Variants in FOXP2 observed in about 807,000 individuals in gnomAD.
The protein encoded by FOXP2 is forkhead box P2.
In FOXP2, 12 loss-of-function variants were observed where a neutral mutation model predicts 115.8. The observed-to-expected ratio is 0.10, with a 90% CI of 0.07 to 0.17. The LOEUF (loss-of-function observed/expected upper bound fraction) is 0.17. FOXP2 is among the 10% of genes least tolerant of loss of function. FOXP2 has a pLI of 1.00. For synonymous variants in FOXP2, 328 were observed against 297.7 expected (o/e 1.10, Z -1.05); for missense variants, 629 against 843.5 (o/e 0.75, Z 3.15).
intron 1 of FOXP2, among the ~76,000 whole-genome samples, chr7:114,236,186 A>G (rs944546514): frequency 2.2e-4 from 34 of 152,234 alleles, no homozygotes; most frequent in African/African-American, 8.2e-4. Context: ...AAAGCTTTCA[A>G]TGGATTGGCA....
At chr7:114,113,388 T>C (rs1440383360) in intron 1 of FOXP2, among the ~76,000 whole-genome samples, 1 of 152,176 alleles carries the variant, frequency 6.6e-6, no homozygotes, top group Non-Finnish European at 1.5e-5. Context: ...TAATTCATTA[T>C]TTCTATTTTT....
intron 3 of FOXP2, among the ~76,000 whole-genome samples, chr7:114,580,571 ACT>A (rs1463878694): frequency 6.6e-6 from 1 of 151,534 alleles, no homozygotes; most frequent in Non-Finnish European, 1.5e-5. Flanking sequence ...ACAGAGTGCG[ACT>A]CTGTCTCAAA....
intron 2 of FOXP2, among the ~76,000 whole-genome samples, chr7:114,435,116 T>C (rs1400209646): frequency 6.6e-6 from 1 of 152,166 alleles, no homozygotes; most frequent in African/African-American, 2.4e-5. Flanking sequence ...ATTCATTAGG[T>C]TCAACAACTA....
At chr7:114,205,207 G>A (rs918793095) in intron 1 of FOXP2, among the ~76,000 whole-genome samples, 1 of 152,088 alleles carries the variant, frequency 6.6e-6, no homozygotes, top group Admixed American at 6.6e-5. Flanking sequence ...ATATATGACC[G>A]TGAATTTCTT....
rs1173351472 is a variant in FOXP2 at position 114,287,475 on chromosome 7, G to A, written c.-101-544G>A. 2.6e-5 allele frequency among the ~76,000 whole-genome samples: 4 copies of A among 151,876 alleles called. No individual in the cohort carries two copies. The East Asian group carries it at 5.8e-4, about 22-fold the overall frequency. On this transcript the variant is annotated intron_variant, in intron 1 of 17. Transcript: ENST00000634411. ...TTAAAGAAGGAAGAAACTAGAAAAC[G>A]AGAGTAGTTGAATCGGAAATGGATC...
Position 114,208,276 on chromosome 7 carries a change from G to T in FOXP2, c.-102+45188G>T, listed in dbSNP as rs184963354. Reference sequence around the variant, plus strand: ...AGATCATTTTGGAGCTTTCAGATTTGACTGCCCTACTGGATTTTGGACTTG... The same window carrying T: ...AGATCATTTTGGAGCTTTCAGATTTTACTGCCCTACTGGATTTTGGACTTG... On this transcript the variant is annotated intron_variant, in intron 1 of 17. Coordinates refer to the FOXP2 transcript ENST00000634411. 4.4e-3 allele frequency among the ~76,000 whole-genome samples: 675 copies of T among 152,280 alleles called. 6 individuals are homozygous for T. The highest frequency in any genetic ancestry group is 6.8e-3 in the Non-Finnish European group (463 of 68,018).
At chr7:114,251,939 G>C (rs924501212) in intron 1 of FOXP2, among the ~76,000 whole-genome samples, 2 of 152,110 alleles carry the variant, frequency 1.3e-5, no homozygotes, top group African/African-American at 2.4e-5. Context: ...GTCATAAATA[G>C]CTTTCATTAT....
At chr7:114,462,581 A>G (rs1795625174) in intron 2 of FOXP2, among the ~76,000 whole-genome samples, 1 of 152,002 alleles carries the variant, frequency 6.6e-6, no homozygotes, top group African/African-American at 2.4e-5. Flanking sequence ...CATGTTGGCC[A>G]GGATGGTCTC....
intron 2 of FOXP2, among the ~76,000 whole-genome samples, chr7:114,530,229 G>A (rs992341535): frequency 2.0e-5 from 3 of 151,770 alleles, no homozygotes; most frequent in Non-Finnish European, 4.4e-5. Flanking sequence ...AGATCCATTT[G>A]GGCTGCATCT....
chr7:114,136,656 T>G (rs1792046787), intron 1 of FOXP2, among the ~76,000 whole-genome samples: 1 of 151,626 alleles, frequency 6.6e-6, no homozygotes, highest in Non-Finnish European at 1.5e-5. Context: ...TAAGGCCATT[T>G]AGATAAATGA....
At chr7:114,391,855 AT>A (rs1262206847) in intron 2 of FOXP2, among the ~76,000 whole-genome samples, 1 of 152,214 alleles carries the variant, frequency 6.6e-6, no homozygotes, top group African/African-American at 2.4e-5. Flanking sequence ...ATCATTATTA[AT>A]TCTAGTTTGT....
At chr7:114,306,748 T>C (rs1210848517) in intron 2 of FOXP2, among the ~76,000 whole-genome samples, 1 of 152,106 alleles carries the variant, frequency 6.6e-6, no homozygotes, top group African/African-American at 2.4e-5. Context: ...AAGACCATGT[T>C]TTTTTTTCTG....
At chr7:114,467,744 T>A (rs1007112146) in intron 2 of FOXP2, among the ~76,000 whole-genome samples, 1 of 152,156 alleles carries the variant, frequency 6.6e-6, no homozygotes, top group African/African-American at 2.4e-5. Flanking sequence ...AAGGAATTTA[T>A]GAATAGAAGA....
At chr7:114,538,479 C>A in intron 3 of FOXP2, 1 of 640,494 alleles carries the variant, frequency 1.6e-6, no homozygotes, top group Non-Finnish European at 2.4e-6. Flanking sequence ...TAAAGTTCTC[C>A]TTTCTAATAG....
intron 1 of FOXP2, among the ~76,000 whole-genome samples, chr7:114,123,116 T>C (rs1791611551): frequency 6.6e-6 from 1 of 151,700 alleles, no homozygotes; most frequent in Non-Finnish European, 1.5e-5. Flanking sequence ...TTGGGGAGGC[T>C]GAGAAAGGGG....
intron 3 of FOXP2, among the ~76,000 whole-genome samples, chr7:114,618,307 C>A (rs10246561): frequency 0.13 from 19,826 of 152,006 alleles, 1,569 homozygotes; most frequent in African/African-American, 0.22. Flanking sequence ...GGAATACAAA[C>A]CCTAGATATA....
At chr7:114,458,158 G>T (rs750966544) in intron 2 of FOXP2, among the ~76,000 whole-genome samples, 10 of 152,100 alleles carry the variant, frequency 6.6e-5, no homozygotes, top group Non-Finnish European at 1.3e-4. Context: ...GAACATATGG[G>T]TATTGCTTAT....
intron 2 of FOXP2, among the ~76,000 whole-genome samples, chr7:114,382,193 G>GTC (rs1792322560): frequency 6.6e-6 from 1 of 152,184 alleles, no homozygotes; most frequent in Non-Finnish European, 1.5e-5. Flanking sequence ...CTGGAGGACA[G>GTC]TTGTCCAGGA....
At chr7:114,615,202 G>C (rs560190654) in intron 3 of FOXP2, among the ~76,000 whole-genome samples, 2 of 152,246 alleles carry the variant, frequency 1.3e-5, no homozygotes, top group East Asian at 3.9e-4. Context: ...TTAAGCAACA[G>C]AGCAAGATTC....
Sources: gnomAD v4.1 joint callset for allele counts (sites outside exome capture counted in the v4.1 genomes callset) on GRCh38, gnomAD v4.1.1 for gene constraint, MANE v1.5 for transcripts, NCBI Gene and HGNC (gene_info 2026-07-23, HGNC 2026-07-21) for gene names.